TASP1: variants seen among roughly 807,000 people sequenced by gnomAD.
The protein encoded by TASP1 is taspase 1.
TASP1 carries 16 observed loss-of-function variants against 56.6 expected under a neutral mutation model. The ratio of observed to expected loss-of-function variants is 0.28; its 90% CI spans 0.19 to 0.43. The LOEUF (loss-of-function observed/expected upper bound fraction) is 0.43, where lower values mean the gene tolerates loss of function less well. Ranked by LOEUF, TASP1 falls within the 20% of genes least tolerant of loss-of-function variation. The probability of loss-of-function intolerance (pLI) is 1.00; values close to 1 mark genes in which losing one functional copy is unlikely to be tolerated. For missense variants in TASP1, 393 were observed against 511.6 expected, an observed-to-expected ratio of 0.77 and a Z score of 2.24; for synonymous variants, 179 against 184.2, an observed-to-expected ratio of 0.97 and a Z score of 0.23.
At chr20:13,304,402 C>T in the TASP1 span, among the ~76,000 whole-genome samples, 35 of 152,296 alleles carry the variant, frequency 2.3e-4, no homozygotes, top group South Asian at 6.4e-3. Flanking sequence ...CCACATTGTA[C>T]TATAGTGCTA....
At chr20:13,141,842 C>A in the TASP1 span, among the ~76,000 whole-genome samples, 4,965 of 152,278 alleles carry the variant, frequency 0.033, 243 homozygotes, top group African/African-American at 0.11. Context: ...GATTAATCAC[C>A]TGTGCTGGGG....
At chr20:13,417,096 A>G (rs542050433) in intron 13 of TASP1, among the ~76,000 whole-genome samples, 2 of 152,186 alleles carry the variant, frequency 1.3e-5, no homozygotes, top group Non-Finnish European at 2.9e-5. Context: ...TTCTTGCAGA[A>G]ACATCCATCT....
chr20:13,410,572 A>AT (rs1300767928), intron 13 of TASP1, among the ~76,000 whole-genome samples: 4 of 152,238 alleles, frequency 2.6e-5, no homozygotes, highest in East Asian at 1.9e-4. Flanking sequence ...CATTTCCCTG[A>AT]TGATTACTGA....
At chr20:13,220,172 C>T in the TASP1 span, among the ~76,000 whole-genome samples, 1 of 151,974 alleles carries the variant, frequency 6.6e-6, no homozygotes, top group African/African-American at 2.4e-5. Flanking sequence ...AGGGAGGGAA[C>T]GGGTAGGAGG....
the TASP1 span, among the ~76,000 whole-genome samples, chr20:13,227,183 CTT>C: frequency 6.6e-6 from 1 of 151,978 alleles, no homozygotes; most frequent in African/African-American, 2.4e-5. Context: ...CTTTTTTTGA[CTT>C]TTTAATTTAC....
chr20:13,254,416 A>T, the TASP1 span, among the ~76,000 whole-genome samples: 9 of 152,124 alleles, frequency 5.9e-5, no homozygotes, highest in Non-Finnish European at 1.2e-4. Flanking sequence ...AGATTCAGAA[A>T]ATGTTCAGAA....
chr20:13,570,662 C>T (rs1360826435), intron 6 of TASP1, among the ~76,000 whole-genome samples: 1 of 151,712 alleles, frequency 6.6e-6, no homozygotes, highest in Non-Finnish European at 1.5e-5. Context: ...GGAGAGAAGG[C>T]CAATGAGAAT....
the TASP1 span, among the ~76,000 whole-genome samples, chr20:13,122,164 T>C: frequency 6.6e-6 from 1 of 152,186 alleles, no homozygotes; most frequent in African/African-American, 2.4e-5. Context: ...GGTCAATATT[T>C]AGCAGGCCAC....
At chr20:13,151,149 ACCAATGG>A in the TASP1 span, among the ~76,000 whole-genome samples, 1 of 152,154 alleles carries the variant, frequency 6.6e-6, no homozygotes, top group African/African-American at 2.4e-5. Flanking sequence ...GCTTCTACCA[ACCAATGG>A]CTTACTCTGT....
At chr20:13,603,591 T>A (rs112163796) in intron 4 of TASP1, among the ~76,000 whole-genome samples, 3,316 of 152,196 alleles carry the variant, frequency 0.022, 112 homozygotes, top group African/African-American at 0.075. Context: ...AACCACAGTC[T>A]GGGAGAAATT....
At chr20:13,112,516 G>A in the TASP1 span, among the ~76,000 whole-genome samples, 1 of 152,146 alleles carries the variant, frequency 6.6e-6, no homozygotes, top group Non-Finnish European at 1.5e-5. Context: ...CCTACCCCCT[G>A]ATGGAGGATC....
the TASP1 span, among the ~76,000 whole-genome samples, chr20:13,153,053 C>T: frequency 6.6e-6 from 1 of 152,196 alleles, no homozygotes; most frequent in African/African-American, 2.4e-5. Flanking sequence ...TGTAGTGGCA[C>T]ATTCCTGCCG....
chr20:13,390,634 G>A (rs1158751205), intron 13 of TASP1, among the ~76,000 whole-genome samples, 182 bp from the exon 14 acceptor site: 4 of 152,196 alleles, frequency 2.6e-5, no homozygotes, highest in South Asian at 2.1e-4. Flanking sequence ...TGTTCAAATC[G>A]CTCAGGAAAT....
chr20:13,574,179 T>C (rs995320890), intron 6 of TASP1, among the ~76,000 whole-genome samples: 1 of 151,396 alleles, frequency 6.6e-6, no homozygotes, highest in Non-Finnish European at 1.5e-5. Flanking sequence ...CAGCTCCTGC[T>C]CCCACCAGCC....
intron 5 of TASP1, among the ~76,000 whole-genome samples, chr20:13,584,038 C>A (rs2047215775): frequency 6.6e-6 from 1 of 152,148 alleles, no homozygotes; most frequent in Non-Finnish European, 1.5e-5. Context: ...AAGATCGCAC[C>A]ACTGCACTCC....
chr20:13,198,826 CTTTCTTTCTTTCTT>C, the TASP1 span, among the ~76,000 whole-genome samples: 1 of 139,076 alleles, frequency 7.2e-6, no homozygotes, highest in African/African-American at 2.7e-5. Flanking sequence ...TTCTTTCTTT[CTTTCTTTCTTTCTT>C]TCTTTCTTTC....
At chr20:13,210,100 ATT>A in the TASP1 span, among the ~76,000 whole-genome samples, 1 of 152,142 alleles carries the variant, frequency 6.6e-6, no homozygotes, top group African/African-American at 2.4e-5. Context: ...TACAGAATGT[ATT>A]GTTTTGCATC....
chr20:13,408,331 T>G (rs890455253), intron 13 of TASP1, among the ~76,000 whole-genome samples: 1 of 152,162 alleles, frequency 6.6e-6, no homozygotes, highest in Non-Finnish European at 1.5e-5. Context: ...AAATGTTAAG[T>G]CAACTGTGCA....
chr20:13,106,758 G>A, the TASP1 span, among the ~76,000 whole-genome samples: 1 of 152,204 alleles, frequency 6.6e-6, no homozygotes, highest in Non-Finnish European at 1.5e-5. Context: ...CTGAGACCAG[G>A]GGGCTAGCCT....
Sources: gnomAD v4.1 joint callset for allele counts (sites outside exome capture counted in the v4.1 genomes callset) on GRCh38, gnomAD v4.1.1 for gene constraint, MANE v1.5 for transcripts, NCBI Gene and HGNC (gene_info 2026-07-23, HGNC 2026-07-21) for gene names.